TYR: variants seen among roughly 807,000 people sequenced by gnomAD.
TYR encodes the protein tyrosinase, also known as LB24-AB.
Under a neutral mutation model 51.5 loss-of-function variants are expected in TYR, and 58 were observed. The ratio of observed to expected loss-of-function variants is 1.13; its 90% CI spans 0.91 to 1.40. The LOEUF (loss-of-function observed/expected upper bound fraction) is 1.40. Ranked by LOEUF, TYR falls within the 40% of genes most tolerant of loss-of-function variation. The pLI is 0.00. For synonymous variants in TYR, 263 were observed against 235.2 expected, an observed-to-expected ratio of 1.12 and a Z score of -1.08; for missense variants, 732 against 647.4, an observed-to-expected ratio of 1.13 and a Z score of -1.42.
At chr11:89,241,832 T>C (rs1478118052) in intron 3 of TYR, among the ~76,000 whole-genome samples, 1 of 148,214 alleles carries the variant, frequency 6.7e-6, no homozygotes, top group African/African-American at 2.4e-5. Flanking sequence ...ACTATACATA[T>C]ATATATTTCA....
At chr11:89,250,327 A>G (rs1001817977) in intron 3 of TYR, among the ~76,000 whole-genome samples, 2 of 151,932 alleles carry the variant, frequency 1.3e-5, no homozygotes, top group Non-Finnish European at 2.9e-5. Context: ...GGCGGAGGCA[A>G]AGAAAGATTA....
At chr11:89,238,178 G>C (rs1404305096) in intron 3 of TYR, among the ~76,000 whole-genome samples, 1 of 151,996 alleles carries the variant, frequency 6.6e-6, no homozygotes. Flanking sequence ...CAGTTTATTT[G>C]TATCTCCTTA....
Position 89,178,637 on chromosome 11 carries a change from T to C in TYR, c.684T>C (p.Asp228=). Residue 228 remains aspartate (D), a synonymous_variant, in exon 1 of 5, where the codon GAT becomes GAC. Coordinates refer to ENST00000263321, the MANE Select transcript of TYR (RefSeq NM_000372.5). ...AAGAAATCCAGAAGCTGACAGGAGA[T>C]GAAAACTTCACTATTCCATATTGGG... The part of the protein sequence containing the change: ...WEQEIQKLTG[D]ENFTIPYWDW... 1 of 1,612,702 alleles carries C rather than the reference T, an allele frequency of 6.2e-7. No individual in the cohort carries two copies. The highest frequency in any genetic ancestry group is 8.5e-7 in the Non-Finnish European group (1 of 1,179,108).
At chr11:89,190,540 G>C (rs1943429039) in intron 1 of TYR, among the ~76,000 whole-genome samples, 1 of 151,890 alleles carries the variant, frequency 6.6e-6, no homozygotes, top group Non-Finnish European at 1.5e-5. Context: ...ATTATCAAAA[G>C]ACTCAAAAAG....
At chr11:89,257,349 A>G (rs1193241411) in intron 3 of TYR, among the ~76,000 whole-genome samples, 2 of 151,972 alleles carry the variant, frequency 1.3e-5, no homozygotes, top group Non-Finnish European at 2.9e-5. Flanking sequence ...AACTTAAGGT[A>G]TTTTTTTCAA....
At chr11:89,193,967 A>G (rs1311686381) in intron 2 of TYR, among the ~76,000 whole-genome samples, 19 of 152,262 alleles carry the variant, frequency 1.2e-4, no homozygotes, top group Non-Finnish European at 1.5e-5. Flanking sequence ...TTTCCTAAGA[A>G]TAGGAATAGA....
intron 3 of TYR, among the ~76,000 whole-genome samples, chr11:89,276,501 T>A (rs1944656257): frequency 6.6e-6 from 1 of 151,700 alleles, no homozygotes; most frequent in Admixed American, 6.6e-5. Context: ...TCTCTCTCTC[T>A]GCCTTTTTTT....
intron 3 of TYR, among the ~76,000 whole-genome samples, chr11:89,240,219 T>G (rs1256400537): frequency 1.3e-5 from 2 of 151,784 alleles, no homozygotes; most frequent in African/African-American, 4.8e-5. Context: ...AACATGTACA[T>G]CCTGCACATG....
chr11:89,191,470 T>C, intron 2 of TYR, 52 bp downstream of exon 2: 1 of 1,547,558 alleles, frequency 6.5e-7, no homozygotes, highest in South Asian at 1.1e-5. Context: ...ATATTTACAG[T>C]CTCTTATCCA....
At chr11:89,202,838 G>A (rs551974096) in intron 2 of TYR, among the ~76,000 whole-genome samples, 12 of 152,098 alleles carry the variant, frequency 7.9e-5, no homozygotes, top group African/African-American at 2.4e-4. Context: ...ATAAAAACTC[G>A]TTATTTCATG....
rs1467810921 is a variant in TYR, at chr11:89,289,438, A to G, written c.1366+4484A>G. Among the ~76,000 whole-genome samples, 3 of 151,996 alleles carry G rather than the reference A, an allele frequency of 2.0e-5. 1 individual carries two copies. Among genetic ancestry groups the G allele is most frequent in the Admixed American group, 2.0e-4 (3 of 15,212 alleles). On this transcript the variant is annotated intron_variant, in intron 4 of 4. Coordinates refer to ENST00000263321, the MANE Select transcript of TYR (RefSeq NM_000372.5). ...CAGAGTCTAATTCATTCTTTTACTC[A>G]GTGGGACAGTCTTCTGGGGTGCATT...
intron 4 of TYR, among the ~76,000 whole-genome samples, chr11:89,290,504 A>G (rs1030403494): frequency 1.4e-4 from 22 of 152,154 alleles, no homozygotes; most frequent in Admixed American, 1.4e-3. Flanking sequence ...TAAATGTACT[A>G]TGTATTGAAG....
intron 1 of TYR, among the ~76,000 whole-genome samples, chr11:89,181,006 C>T (rs956033691): frequency 2.0e-5 from 3 of 152,082 alleles, no homozygotes; most frequent in African/African-American, 7.2e-5. Flanking sequence ...TAATTTCTTG[C>T]CAGAAATTCA....
At chr11:89,225,787 GA>G (rs60954793) in intron 2 of TYR, among the ~76,000 whole-genome samples, 3,152 of 151,760 alleles carry the variant, frequency 0.021, 108 homozygotes, top group African/African-American at 0.073. Flanking sequence ...AGTACAGTAG[GA>G]AAATTATAGT....
intron 2 of TYR, among the ~76,000 whole-genome samples, chr11:89,212,615 C>A (rs1393242743): frequency 6.6e-6 from 1 of 152,138 alleles, no homozygotes; most frequent in Non-Finnish European, 1.5e-5. Context: ...CATACCAAAG[C>A]CTGGCAGAGA....
chr11:89,178,762 C>T lies in TYR; in HGVS notation c.809C>T (p.Ser270Phe), dbSNP rs368210899. Residue 270 changes from serine to phenylalanine, a missense_variant, in exon 1 of 5, where the codon TCC (serine) becomes TTC (phenylalanine). Transcript: ENST00000263321. Reference sequence around the variant, plus strand: ...TTACTCAGCCCAGCATCATTCTTCTCCTCTTGGCAGGTAAGATATGCTAGA... The same window carrying T: ...TTACTCAGCCCAGCATCATTCTTCTTCTCTTGGCAGGTAAGATATGCTAGA... Reference protein sequence around the residue: ...PNLLSPASFFSSWQIVCSRLE... With the variant: ...PNLLSPASFFFSWQIVCSRLE... 1.4e-5 allele frequency: 22 copies of T among 1,614,066 alleles called. No individual in the cohort carries two copies. Among genetic ancestry groups the T allele is most frequent in the Non-Finnish European group, 1.8e-5 (21 of 1,180,016 alleles).
intron 2 of TYR, among the ~76,000 whole-genome samples, chr11:89,208,573 T>C (rs1026727452): frequency 2.6e-5 from 4 of 152,208 alleles, no homozygotes; most frequent in Non-Finnish European, 5.9e-5. Context: ...TCACTTTGTT[T>C]TCTGCCAATT....
chr11:89,212,208 A>G (rs1943768617), intron 2 of TYR, among the ~76,000 whole-genome samples: 1 of 152,168 alleles, frequency 6.6e-6, no homozygotes, highest in Admixed American at 6.6e-5. Context: ...AAGACTAATA[A>G]AAGAGAGAAG....
At chr11:89,232,478 T>A (rs1450345415) in intron 3 of TYR, among the ~76,000 whole-genome samples, 1 of 143,034 alleles carries the variant, frequency 7.0e-6, no homozygotes, top group Admixed American at 6.9e-5. Context: ...TTTTCTCTTA[T>A]AAGTGGGAGG....
Sources: gnomAD v4.1 joint callset for allele counts (sites outside exome capture counted in the v4.1 genomes callset) on GRCh38, gnomAD v4.1.1 for gene constraint, MANE v1.5 for transcripts, NCBI Gene and HGNC (gene_info 2026-07-23, HGNC 2026-07-21) for gene names.